SLC38A10: variants seen among roughly 807,000 people sequenced by gnomAD.
SLC38A10 encodes the protein solute carrier family 38 member 10, also known as Sodium-coupled neutral amino acid transporter 10.
SLC38A10 carries 53 observed loss-of-function variants against 81.0 expected under a neutral mutation model. The ratio of observed to expected loss-of-function variants is 0.65; its 90% CI spans 0.53 to 0.82. The LOEUF is 0.82. Ranked by LOEUF, SLC38A10 falls within the 40% of genes least tolerant of loss-of-function variation. The pLI is 0.00. For missense variants in SLC38A10, 1,471 were observed against 1,545.0 expected (o/e 0.95, Z 0.80); for synonymous variants, 665 against 655.3 (o/e 1.01, Z -0.23).
chr17:81,260,286 G>T lies in SLC38A10; in HGVS notation c.1240C>A (p.Leu414Ile), dbSNP rs774049428. Residue 414 changes from leucine (L) to isoleucine (I), a missense_variant, in exon 11 of 16, where the codon CTT (leucine) becomes ATT (isoleucine). Physicochemically the swap from Leu to Ile is conservative, Grantham distance 5 (BLOSUM62 2). This residue lies in a region of SLC38A10 where 720 missense variants were observed against 827.7 expected (regional missense o/e 0.87). Coordinates refer to ENST00000374759, the MANE Select transcript of SLC38A10 (RefSeq NM_001037984.3). ...DLAEEAPGGRLGEAEGLMKVE... is the reference protein window; with the variant it reads ...DLAEEAPGGRIGEAEGLMKVE... The stretch of plus-strand genomic sequence containing the variant: ...TTCATCAAACCCTCGGCCTCTCCAA[G>T]CCGGCCGCCAGGGGCTTCCTCTGCC... 1 of 1,606,434 alleles carries T rather than the reference G, an allele frequency of 6.2e-7. No homozygotes were observed. Among genetic ancestry groups the T allele is most frequent in the East Asian group, 2.2e-5 (1 of 44,674 alleles).
rs750527343 is a variant in SLC38A10 at position 81,276,034 on chromosome 17, C to T, written c.847G>A (p.Val283Met). ...GGCAGGATCATCATGGGGAAGCCCA[C>T]AGCCACTGACATCATGAAGCCCACA... is the stretch of plus-strand genomic sequence containing the variant. ...LRVGFMMSVAVGFPMMILPCR... is the reference protein window; with the variant it reads ...LRVGFMMSVAMGFPMMILPCR... Residue 283 changes from valine (V) to methionine (M), a missense_variant, in exon 8 of 16, where the codon GTG becomes ATG. Val to Met is a conservative substitution (Grantham distance 21). Transcript: ENST00000374759. This position sits in a 1 kb window ranked among gnomAD's most constrained non-coding sequence, Gnocchi z 4.7. The T allele has an allele frequency of 2.5e-6, 4 of 1,613,968 alleles. No individual in the cohort carries two copies. In the South Asian group the frequency reaches 3.3e-5, roughly 13 times the overall value.
rs763463967 is a variant in SLC38A10 at position 81,252,409 on chromosome 17, G to A, written c.1731C>T (p.Pro577=). The change falls in exon 13 of 16, where the codon CCC becomes CCT. Residue 577 remains proline, a synonymous_variant. Transcript: ENST00000374759. ...LEEAGDLPED[P]QKVPEADGQP... is the part of the protein sequence containing the mutation. ...GACCATCTGCTTCTGGAACTTTCTG[G>A]GGATCTTCAGGAAGATCACCCGCCT... 2.5e-6 allele frequency: 4 copies of A among 1,613,134 alleles called. No individual in the cohort carries two copies. In the South Asian group the frequency reaches 4.4e-5, roughly 18 times the overall value.
At position 81,252,649 on chromosome 17, in the gene SLC38A10, G is replaced by C. The variant is rs747750986; in HGVS notation, c.1491C>G (p.His497Gln). 1 of 1,609,818 alleles carries C rather than the reference G, an allele frequency of 6.2e-7. No homozygotes were observed. The highest frequency in any genetic ancestry group is 1.1e-5 in the South Asian group (1 of 91,010). Residue 497 changes from histidine (H) to glutamine (Q), a missense_variant, in exon 13 of 16, where the codon CAC becomes CAG. By Grantham distance (24) the His-to-Gln change is conservative. This residue lies in a region of SLC38A10 where 720 missense variants were observed against 827.7 expected (regional missense o/e 0.87). Transcript: ENST00000374759. ...IAVPVGEAHR[H>Q]EPPVPHDKVV... is the part of the protein sequence containing the mutation. ...CCTTGTCGTGAGGAACAGGAGGCTC[G>C]TGGCGGTGGGCCTCGCCCACAGGCA...
chr17:81,250,781 C>T (rs904253232), intron 14 of SLC38A10: 35 of 971,366 alleles, frequency 3.6e-5, no homozygotes, highest in Non-Finnish European at 3.8e-5. Context: ...CCCCAGCAGG[C>T]TCACAGACGG....
intron 14 of SLC38A10, among the ~76,000 whole-genome samples, chr17:81,249,349 G>A (rs867900562): frequency 6.2e-5 from 5 of 80,556 alleles, no homozygotes; most frequent in Non-Finnish European, 1.0e-4. Context: ...GGAGGAAGGA[G>A]GGAAGAGGAG....
Position 81,284,844 on chromosome 17 carries a change from G to A in SLC38A10, c.263+6C>T. On this transcript the variant is annotated splice_donor_region_variant and intron_variant, in intron 3 of 15. Coordinates refer to ENST00000374759, the MANE Select transcript of SLC38A10 (RefSeq NM_001037984.3). The stretch of plus-strand genomic sequence containing the variant: ...GGGGCAAGCGCAGCGGCAGGGCGGG[G>A]CTTACCTGGTCTCCACCAGCATCTT... 1 of 1,541,132 alleles carries A rather than the reference G, an allele frequency of 6.5e-7. No homozygotes were observed. The highest frequency in any genetic ancestry group is 2.5e-5 in the East Asian group (1 of 40,020).
intron 13 of SLC38A10, chr17:81,251,946 C>A: frequency 3.3e-6 from 2 of 601,318 alleles, no homozygotes; most frequent in Non-Finnish European, 5.3e-6. Context: ...CCCAGACACA[C>A]GAGCACAGCG....
chr17:81,256,576 T>C (rs911413391), intron 11 of SLC38A10, among the ~76,000 whole-genome samples: 2 of 152,064 alleles, frequency 1.3e-5, no homozygotes, highest in African/African-American at 4.8e-5. Context: ...ACGGACGGAG[T>C]GCCTCATCCA....
At chr17:81,293,133 A>C (rs1376379241) in intron 1 of SLC38A10, among the ~76,000 whole-genome samples, 5 of 152,250 alleles carry the variant, frequency 3.3e-5, no homozygotes, top group African/African-American at 1.2e-4. Flanking sequence ...ACTGCACTCC[A>C]GCCTGGGTGA....
At chr17:81,251,387 G>T in intron 14 of SLC38A10, 106 bp downstream of exon 14, 8 of 1,612,264 alleles carry the variant, frequency 5.0e-6, no homozygotes, top group Non-Finnish European at 6.8e-6. Context: ...AGAGAAGGGG[G>T]GCCTGGCAGG....
At chr17:81,256,114 T>C (rs1223698502) in intron 11 of SLC38A10, among the ~76,000 whole-genome samples, 1 of 152,242 alleles carries the variant, frequency 6.6e-6, no homozygotes, top group Non-Finnish European at 1.5e-5. Context: ...TCCCAGCTCC[T>C]GGCACCCACA....
In SLC38A10 at chr17:81,276,964, C is replaced by T; in HGVS notation, c.729+67G>A. ...GCCAGGGCCATGCCTGTGGCAGTCC[C>T]ACGGGGCACCACGGCACATCATGCT... On this transcript the variant is annotated intron_variant, in intron 7 of 15. Transcript: ENST00000374759. The surrounding 1 kb of genome is among the most constrained non-coding windows in gnomAD (Gnocchi z 4.7). 6.7e-7 allele frequency: 1 copy of T among 1,498,320 alleles called. No individual in the cohort carries two copies. The highest frequency in any genetic ancestry group is 9.3e-7 in the Non-Finnish European group (1 of 1,076,944). The allele number at this position is 1,498,320 out of a possible 1,614,324, so 92.8% of individuals were successfully genotyped here. A position where few individuals can be genotyped will look rare whatever the true frequency, so the allele number is the denominator to read the frequency against.
At chr17:81,259,438 A>T (rs1388512027) in intron 11 of SLC38A10, among the ~76,000 whole-genome samples, 1 of 152,206 alleles carries the variant, frequency 6.6e-6, no homozygotes, top group Admixed American at 6.5e-5. Context: ...CGTGAAGGTC[A>T]TCGTGGACAG....
At position 81,277,709 on chromosome 17, in the gene SLC38A10, C is replaced by A. The variant is rs1025884776; in HGVS notation, c.627-576G>T. 6.6e-6 allele frequency among the ~76,000 whole-genome samples: 1 copy of A among 152,188 alleles called. No homozygotes were observed. The highest frequency in any genetic ancestry group is 1.5e-5 in the Non-Finnish European group (1 of 68,020). On this transcript the variant is annotated intron_variant, in intron 6 of 15. Transcript: ENST00000374759. This position sits in a 1 kb window ranked among gnomAD's most constrained non-coding sequence, Gnocchi z 4.5. ...GGTGCTGCTAGGGGTGGGAGGGACC[C>A]AAGCCACCAGCCAGGCAAGGACATG...
intron 10 of SLC38A10, chr17:81,264,998 A>G (rs973134480): frequency 6.6e-6 from 1 of 152,224 alleles, no homozygotes; most frequent in African/African-American, 2.4e-5. Flanking sequence ...ACCTGCTGCT[A>G]CACTCCCTCA....
rs1003478156 is a variant in SLC38A10, at chr17:81,288,367, C to T, written c.217+1324G>A. Among the ~76,000 whole-genome samples the T allele has an allele frequency of 6.6e-6, 1 of 152,214 alleles. No homozygotes were observed. Among genetic ancestry groups the T allele is most frequent in the Non-Finnish European group, 1.5e-5 (1 of 68,044 alleles). On this transcript the variant is annotated intron_variant, in intron 2 of 15. Transcript: ENST00000374759. This position sits in a 1 kb window ranked among gnomAD's most constrained non-coding sequence, Gnocchi z 5.4. The stretch of plus-strand genomic sequence containing the variant: ...TGCAGGGAGGACCTAACATCCCAGC[C>T]GCACACTGGCTGGAAGGTCCAGAGC...
chr17:81,252,958 G>T, intron 12 of SLC38A10, 115 bp downstream of exon 12: 2 of 1,344,922 alleles, frequency 1.5e-6, no homozygotes, highest in Non-Finnish European at 2.0e-6. Context: ...CTTAGGCTGG[G>T]CTGAAGGGAA....
At chr17:81,294,664 G>C (rs1043373242) in intron 1 of SLC38A10, among the ~76,000 whole-genome samples, 159 bp downstream of exon 1, 6 of 152,202 alleles carry the variant, frequency 3.9e-5, no homozygotes, top group Non-Finnish European at 1.5e-5. Flanking sequence ...GATTCTCTAC[G>C]GGAACTGCGC....
In SLC38A10 at chr17:81,277,883, C is replaced by G. The variant is rs1276724993; in HGVS notation, c.627-750G>C. On this transcript the variant is annotated intron_variant, in intron 6 of 15. Coordinates refer to ENST00000374759, the MANE Select transcript of SLC38A10 (RefSeq NM_001037984.3). The surrounding 1 kb of genome is among the most constrained non-coding windows in gnomAD (Gnocchi z 4.5). ...AGAAGGGAGTTGGGCCAGGCACACG[C>G]CAGAGCACAGGTGAGAGCTGCTCTG... Among the ~76,000 whole-genome samples, 1 of 152,134 alleles carries G rather than the reference C, an allele frequency of 6.6e-6. No homozygotes were observed. Among genetic ancestry groups the G allele is most frequent in the African/African-American group, 2.4e-5 (1 of 41,426 alleles).
Sources: gnomAD v4.1 joint callset for allele counts (sites outside exome capture counted in the v4.1 genomes callset) on GRCh38, gnomAD v4.1.1 for gene constraint, gnomAD v4.1.1 regional missense constraint, Gnocchi (gnomAD v3.1) non-coding constraint, MANE v1.5 for transcripts, NCBI Gene and HGNC (gene_info 2026-07-23, HGNC 2026-07-21) for gene names.